TBCK: variants seen among roughly 807,000 people sequenced by gnomAD.
The protein encoded by TBCK is TBC1 domain containing kinase.
Under a neutral mutation model 113.4 loss-of-function variants are expected in TBCK, and 99 were observed. The ratio of observed to expected loss-of-function variants is 0.87; its 90% CI spans 0.74 to 1.03. The LOEUF (loss-of-function observed/expected upper bound fraction) is 1.03. TBCK is among the 50% of genes least tolerant of loss of function. The pLI is 0.00. For synonymous variants in TBCK, 369 were observed against 370.8 expected (o/e 1.00, Z 0.05); for missense variants, 1,045 against 1,061.3 (o/e 0.98, Z 0.21).
In TBCK at chr4:106,044,550, C is replaced by A. The variant is rs1434177938; in HGVS notation, c.*2020G>T. ...GACCAAATAAATTGAATAAAACAAA[C>A]AAAACAGGAGGGGTCCTGGGACAAC... On this transcript the variant is annotated 3_prime_UTR_variant, in exon 26 of 26. Coordinates refer to ENST00000394708, the MANE Select transcript of TBCK (RefSeq NM_001163435.3). The A allele has an allele frequency of 1.3e-5, 2 of 151,960 alleles. No homozygotes were observed. Among genetic ancestry groups the A allele is most frequent in the Non-Finnish European group, 2.9e-5 (2 of 67,982 alleles). 9.4% of individuals were successfully genotyped at this position (151,960 alleles called of 1,614,324 possible).
At chr4:106,277,070 C>A (rs1263242753) in intron 3 of TBCK, among the ~76,000 whole-genome samples, 1 of 151,780 alleles carries the variant, frequency 6.6e-6, no homozygotes, top group African/African-American at 2.4e-5. Flanking sequence ...GATATGAATA[C>A]CTAATAAGCA....
At chr4:106,133,515 G>A (rs1405006715) in intron 23 of TBCK, among the ~76,000 whole-genome samples, 1 of 152,154 alleles carries the variant, frequency 6.6e-6, no homozygotes, top group African/African-American at 2.4e-5. Context: ...AAATAGGACA[G>A]GCTTTCATGC....
intron 3 of TBCK, among the ~76,000 whole-genome samples, chr4:106,281,113 T>G (rs567321329): frequency 2.0e-5 from 3 of 152,250 alleles, no homozygotes; most frequent in Non-Finnish European, 4.4e-5. Flanking sequence ...TTTATAGTTT[T>G]CATTGTAGAG....
At chr4:106,145,386 AT>A (rs898379390) in intron 23 of TBCK, among the ~76,000 whole-genome samples, 1 of 152,182 alleles carries the variant, frequency 6.6e-6, no homozygotes, top group African/African-American at 2.4e-5. Context: ...GAGAAAGAAC[AT>A]TTCAATTTGT....
chr4:106,295,177 C>T lies in TBCK; in HGVS notation c.194-11G>A. 1 of 1,608,254 alleles carries T rather than the reference C, an allele frequency of 6.2e-7. No homozygotes were observed. The highest frequency in any genetic ancestry group is 1.3e-5 in the African/African-American group (1 of 74,584). ...CGACCACTAGTCGTTCTGAGAAAAA[C>T]AAAGCAAACCCATGTTATATTTTAT... is the stretch of plus-strand genomic sequence containing the variant. On this transcript the variant is annotated splice_polypyrimidine_tract_variant and intron_variant, in intron 2 of 25. Transcript: ENST00000394708.
chr4:106,150,265 A>T (rs533984656), intron 23 of TBCK, among the ~76,000 whole-genome samples: 1 of 152,178 alleles, frequency 6.6e-6, no homozygotes, highest in African/African-American at 2.4e-5. Flanking sequence ...ATAAAAATAC[A>T]CACAAAAGCA....
At chr4:106,195,687 A>T (rs1297711837) in intron 20 of TBCK, among the ~76,000 whole-genome samples, 1 of 151,958 alleles carries the variant, frequency 6.6e-6, no homozygotes, top group African/African-American at 2.4e-5. Flanking sequence ...GGAACATTTC[A>T]TCTAATCTTC....
chr4:106,299,231 C>T (rs925788905), intron 2 of TBCK, among the ~76,000 whole-genome samples: 1 of 152,108 alleles, frequency 6.6e-6, no homozygotes, highest in Non-Finnish European at 1.5e-5. Flanking sequence ...CATGATGTGG[C>T]CATTAGAAAT....
rs150042870 is a variant in TBCK, at chr4:106,223,683, G to A, written c.1774+6680C>T. Among the ~76,000 whole-genome samples, 202 of 152,000 alleles carry A rather than the reference G, an allele frequency of 1.3e-3. 1 individual carries two copies. The highest frequency in any genetic ancestry group is 1.7e-3 in the Non-Finnish European group (114 of 67,938). On this transcript the variant is annotated intron_variant, in intron 19 of 25. Transcript: ENST00000394708. Reference sequence around the variant, plus strand: ...TATCTCCTCTTATCTTTACCTTTCCGACTTGTAGCAACCACATCTTCCAAA... The same window carrying A: ...TATCTCCTCTTATCTTTACCTTTCCAACTTGTAGCAACCACATCTTCCAAA...
intron 23 of TBCK, among the ~76,000 whole-genome samples, chr4:106,148,810 T>C (rs1383566326): frequency 6.6e-6 from 1 of 152,174 alleles, no homozygotes; most frequent in East Asian, 1.9e-4. Context: ...TATCAGCCCC[T>C]AACAGGAGAG....
chr4:106,135,290 C>A (rs1162822289), intron 23 of TBCK, among the ~76,000 whole-genome samples: 3 of 151,570 alleles, frequency 2.0e-5, no homozygotes, highest in East Asian at 3.9e-4. Flanking sequence ...TTAAGTCTTA[C>A]AATAATCCTG....
Position 106,171,053 on chromosome 4 carries a change from A to G in TBCK, c.2235+42T>C, listed in dbSNP as rs750525484. On this transcript the variant is annotated intron_variant, in intron 23 of 25. Transcript: ENST00000394708. ...CTAGGGTATATTAATTTTAACATCC[A>G]TCTCCTTTTAGAGTTTGTAAACTAA... 14 of 1,493,808 alleles carry G rather than the reference A, an allele frequency of 9.4e-6. No homozygotes were observed. The South Asian group carries it at 1.9e-4, about 20-fold the overall frequency. The allele number at this position is 1,493,808 out of a possible 1,614,324, so 92.5% of individuals were successfully genotyped here.
chr4:106,125,233 C>CA (rs1653831146), intron 23 of TBCK, among the ~76,000 whole-genome samples: 1 of 151,766 alleles, frequency 6.6e-6, no homozygotes, highest in African/African-American at 2.4e-5. Context: ...GGTATATACC[C>CA]AAAAGAAAGG....
chr4:106,066,453 G>A (rs1736648970), intron 25 of TBCK, among the ~76,000 whole-genome samples: 1 of 151,968 alleles, frequency 6.6e-6, no homozygotes. Flanking sequence ...GTAGGGCTCA[G>A]ATAAGCGGGT....
upstream of TBCK, chr4:106,316,614 GTCAC>G: frequency 1.3e-6 from 2 of 1,550,698 alleles, no homozygotes; most frequent in Non-Finnish European, 1.7e-6. Flanking sequence ...GTCGTGGCGG[GTCAC>G]TCACTCGGGG....
intron 23 of TBCK, among the ~76,000 whole-genome samples, chr4:106,146,883 C>G (rs981868292): frequency 6.6e-6 from 1 of 152,228 alleles, no homozygotes; most frequent in Non-Finnish European, 1.5e-5. Context: ...CATATTCACT[C>G]CTCTCAAACC....
At position 106,243,846 on chromosome 4, in the gene TBCK, G is replaced by A. The variant is rs531360512; in HGVS notation, c.1070+780C>T. Among the ~76,000 whole-genome samples, 101 of 151,908 alleles carry A rather than the reference G, an allele frequency of 6.6e-4. 1 individual carries two copies. The highest frequency in any genetic ancestry group is 3.4e-3 in the Middle Eastern group (1 of 294). ...TAGGACTACAGGCACACAACACCAC[G>A]CCCAGCTAATTTTTTTTCTTTGTAG... On this transcript the variant is annotated intron_variant, in intron 11 of 25. Transcript: ENST00000394708.
At position 106,073,721 on chromosome 4, in the gene TBCK, T is replaced by C. The variant is rs1402397415; in HGVS notation, c.2571+21761A>G. Among the ~76,000 whole-genome samples, 2 of 152,208 alleles carry C rather than the reference T, an allele frequency of 1.3e-5. 1 individual carries two copies. Among genetic ancestry groups the C allele is most frequent in the Non-Finnish European group, 2.9e-5 (2 of 68,036 alleles). On this transcript the variant is annotated intron_variant, in intron 25 of 25. Coordinates refer to ENST00000394708, the MANE Select transcript of TBCK (RefSeq NM_001163435.3). ...GTTCAGCTGTGCCCTGCCCCAGAGC[T>C]GGAGTCTACAGAGGCACGTAGGCCT...
chr4:106,138,882 G>A (rs919339626), intron 23 of TBCK, among the ~76,000 whole-genome samples: 4 of 140,888 alleles, frequency 2.8e-5, no homozygotes, highest in African/African-American at 5.0e-5. Context: ...ACACAGCACC[G>A]TTATGGTCAA....
Sources: gnomAD v4.1 joint callset for allele counts (sites outside exome capture counted in the v4.1 genomes callset) on GRCh38, gnomAD v4.1.1 for gene constraint, MANE v1.5 for transcripts, NCBI Gene and HGNC (gene_info 2026-07-23, HGNC 2026-07-21) for gene names.